The following FBXO11 variants were observed in gnomAD, a reference collection of about 807,000 sequenced individuals.
The protein encoded by FBXO11 is F-box protein 11, also known as F-box only protein 11.
Under a neutral mutation model 117.0 loss-of-function variants are expected in FBXO11, and 13 were observed. The ratio of observed to expected loss-of-function variants is 0.11; its 90% CI spans 0.07 to 0.18. FBXO11 has a LOEUF of 0.18. Among genes scored for constraint, FBXO11 ranks in the 10% least tolerant of loss-of-function variants. The probability of loss-of-function intolerance (pLI) is 1.00; values close to 1 mark genes in which losing one functional copy is unlikely to be tolerated. For synonymous variants in FBXO11, 490 were observed against 380.5 expected, an observed-to-expected ratio of 1.29 and a Z score of -3.35; for missense variants, 767 against 1,164.4, an observed-to-expected ratio of 0.66 and a Z score of 4.97.
chr2:47,841,814 G>A (rs1186778151), intron 1 of FBXO11, among the ~76,000 whole-genome samples: 1 of 151,242 alleles, frequency 6.6e-6, no homozygotes, highest in Non-Finnish European at 1.5e-5. Context: ...CTAACTTTTT[G>A]TATTTTGGTA....
rs1275718810 is a variant in FBXO11 at position 47,810,429 on chromosome 2, A to G, written c.2228-3T>C. ...AATATCATTTTCTTCAAGGAGACCT[A>G]TAATAAAATATTTCCTTAGATTAAG... On this transcript the variant is annotated splice_region_variant and splice_polypyrimidine_tract_variant and intron_variant, in intron 18 of 22. Coordinates refer to ENST00000403359, the MANE Select transcript of FBXO11 (RefSeq NM_001190274.2). 6.3e-6 allele frequency: 10 copies of G among 1,578,202 alleles called. No individual in the cohort carries two copies. Among genetic ancestry groups the G allele is most frequent in the East Asian group, 2.2e-5 (1 of 44,498 alleles).
intron 16 of FBXO11, among the ~76,000 whole-genome samples, chr2:47,816,171 A>AT (rs549040528): frequency 2.7e-4 from 41 of 151,546 alleles, no homozygotes; most frequent in East Asian, 2.1e-3. Flanking sequence ...CATAACTGCA[A>AT]TTTTTTTTTG....
intron 11 of FBXO11, among the ~76,000 whole-genome samples, chr2:47,825,063 C>CCG (rs1179585249): frequency 1.1e-4 from 16 of 152,042 alleles, no homozygotes; most frequent in African/African-American, 3.9e-4. Flanking sequence ...ACTTTACACA[C>CCG]AGTAAGTACT....
chr2:47,839,170 T>TAAC (rs1672830112), intron 3 of FBXO11, among the ~76,000 whole-genome samples, 167 bp from the exon 4 acceptor site: 1 of 152,056 alleles, frequency 6.6e-6, no homozygotes, highest in Non-Finnish European at 1.5e-5. Flanking sequence ...TATCCTGAAC[T>TAAC]AACAAAAGTA....
At chr2:47,844,907 G>A (rs1179809939) in intron 1 of FBXO11, among the ~76,000 whole-genome samples, 1 of 152,130 alleles carries the variant, frequency 6.6e-6, no homozygotes, top group Non-Finnish European at 1.5e-5. Flanking sequence ...AAAGTGCTGG[G>A]ATTACAGGCA....
rs532381173 is a variant in FBXO11, at chr2:47,887,299, G to T, written c.232+18190C>A. The stretch of plus-strand genomic sequence containing the variant: ...AAACTCCGTTTCAAAAAAAAAAGGT[G>T]GGGGGGAGGGGGGAGACAAGACCCT... On this transcript the variant is annotated intron_variant, in intron 1 of 22. Transcript: ENST00000403359. 1.3e-4 allele frequency among the ~76,000 whole-genome samples: 19 copies of T among 151,022 alleles called. 1 individual carries two copies. In the South Asian group the frequency reaches 3.3e-3, roughly 27 times the overall value.
intron 1 of FBXO11, among the ~76,000 whole-genome samples, chr2:47,889,430 C>T (rs1677102192): frequency 1.3e-5 from 2 of 152,136 alleles, no homozygotes; most frequent in African/African-American, 4.8e-5. Flanking sequence ...AGTGTGCTTT[C>T]TCAGGAAAAC....
chr2:47,835,749 C>T (rs189408573), intron 5 of FBXO11, 123 bp downstream of exon 5: 23 of 589,344 alleles, frequency 3.9e-5, no homozygotes, highest in African/African-American at 2.0e-4. Flanking sequence ...CCTCCTACCT[C>T]GGCCTCCCAA....
intron 1 of FBXO11, among the ~76,000 whole-genome samples, chr2:47,862,574 C>T (rs993193772): frequency 2.6e-5 from 4 of 152,162 alleles, no homozygotes; most frequent in African/African-American, 9.7e-5. Flanking sequence ...ATTGTGCCAC[C>T]ACGCTTGGCT....
chr2:47,896,601 G>C (rs1276743588), intron 1 of FBXO11, among the ~76,000 whole-genome samples: 1 of 152,104 alleles, frequency 6.6e-6, no homozygotes, highest in Admixed American at 6.5e-5. Flanking sequence ...AAAAGTGCTA[G>C]GATTACAGGC....
At chr2:47,838,271 T>C (rs1254009158) in intron 4 of FBXO11, among the ~76,000 whole-genome samples, 3 of 152,054 alleles carry the variant, frequency 2.0e-5, no homozygotes, top group African/African-American at 7.2e-5. Context: ...AAAATTACTA[T>C]TAGTGGTTAT....
chr2:47,822,308 A>G lies in FBXO11; in HGVS notation c.1617-5T>C. On this transcript the variant is annotated splice_region_variant and splice_polypyrimidine_tract_variant and intron_variant, in intron 12 of 22. Coordinates refer to ENST00000403359, the MANE Select transcript of FBXO11 (RefSeq NM_001190274.2). ...CCATTAAATATAGAATTTCCCCTAT[A>G]ATTATGCGAAATAAAAAAAAAGAAG... The G allele has an allele frequency of 6.5e-7, 1 of 1,539,118 alleles. No homozygotes were observed. The highest frequency in any genetic ancestry group is 8.8e-7 in the Non-Finnish European group (1 of 1,130,894).
Position 47,905,871 on chromosome 2 carries a change from G to A in FBXO11, c.-151C>T, listed in dbSNP as rs1448602447. 4.3e-6 allele frequency: 3 copies of A among 689,808 alleles called. No homozygotes were observed. Among genetic ancestry groups the A allele is most frequent in the Admixed American group, 6.8e-5 (2 of 29,352 alleles). The allele number at this position is 689,808 out of a possible 1,614,324, so 42.7% of individuals were successfully genotyped here. Reference sequence around the variant, plus strand: ...AGGGGAGACGCTGAGGGCGGAGGGGGCGAGCGGGACCCCGAGTCCGGAGAA... The same window carrying A: ...AGGGGAGACGCTGAGGGCGGAGGGGACGAGCGGGACCCCGAGTCCGGAGAA... On this transcript the variant is annotated 5_prime_UTR_variant, in exon 1 of 23. Coordinates refer to ENST00000403359, the MANE Select transcript of FBXO11 (RefSeq NM_001190274.2).
rs1670441241 is a variant in FBXO11, at chr2:47,809,143, A to AT, written c.2555+14dup. On this transcript the variant is annotated intron_variant, in intron 21 of 22. Transcript: ENST00000403359. The stretch of plus-strand genomic sequence containing the variant: ...GTCTTCCTCTTTTCAGGACTCAAAT[A>AT]TATTTCTAAGTTACCTGTAGAAATC... 2 of 1,450,802 alleles carry AT rather than the reference A, an allele frequency of 1.4e-6. No homozygotes were observed. 89.9% of individuals were successfully genotyped at this position (1,450,802 alleles called of 1,614,324 possible). A position where few individuals can be genotyped will look rare whatever the true frequency, so the allele number is the denominator to read the frequency against.
At chr2:47,868,755 T>C (rs144714475) in intron 1 of FBXO11, among the ~76,000 whole-genome samples, 6 of 152,178 alleles carry the variant, frequency 3.9e-5, no homozygotes, top group South Asian at 2.1e-4. Flanking sequence ...AGCGTCCAAT[T>C]TGGTAGCAGC....
chr2:47,821,401 G>A (rs982761390), intron 13 of FBXO11, among the ~76,000 whole-genome samples: 14 of 152,076 alleles, frequency 9.2e-5, no homozygotes, highest in Non-Finnish European at 7.4e-5. Flanking sequence ...ACAAGGTCAG[G>A]AGATCGAGAC....
At chr2:47,899,001 A>G (rs568923809) in intron 1 of FBXO11, among the ~76,000 whole-genome samples, 3 of 152,032 alleles carry the variant, frequency 2.0e-5, no homozygotes, top group African/African-American at 7.2e-5. Context: ...GGGGCCAGGC[A>G]CGGTGGCTCA....
Position 47,832,875 on chromosome 2 carries a change from G to A in FBXO11, c.1047C>T (p.Asn349=). Residue 349 remains asparagine (N), a synonymous_variant, in exon 9 of 23, where the codon AAC becomes AAT. Transcript: ENST00000403359. The part of the protein sequence containing the change: ...AYVGYMTIRF[N]PDDKSAQHHN... ...GGTGTTGTGCAGATTTGTCATCAGGGTTAAACTGAAAAGTAAAAATTTTGT... is the reference window on the plus strand; with the variant it reads ...GGTGTTGTGCAGATTTGTCATCAGGATTAAACTGAAAAGTAAAAATTTTGT... 6.2e-7 allele frequency: 1 copy of A among 1,613,660 alleles called. No individual in the cohort carries two copies. Among genetic ancestry groups the A allele is most frequent in the South Asian group, 1.1e-5 (1 of 91,050 alleles).
intron 1 of FBXO11, among the ~76,000 whole-genome samples, chr2:47,841,368 A>C (rs1057355443): frequency 2.6e-5 from 4 of 152,206 alleles, no homozygotes; most frequent in Admixed American, 1.3e-4. Context: ...TTAGAGAATC[A>C]CCATTCTGCT....
Sources: gnomAD v4.1 joint callset for allele counts (sites outside exome capture counted in the v4.1 genomes callset) on GRCh38, gnomAD v4.1.1 for gene constraint, MANE v1.5 for transcripts, NCBI Gene and HGNC (gene_info 2026-07-23, HGNC 2026-07-21) for gene names.